The following SLC41A2 variants were observed in gnomAD, a reference collection of about 807,000 sequenced individuals.
The protein encoded by SLC41A2 is SLC41A1-like 1.
SLC41A2 carries 32 observed loss-of-function variants against 58.3 expected under a neutral mutation model. The ratio of observed to expected loss-of-function variants is 0.55; its 90% CI spans 0.41 to 0.74. The LOEUF (loss-of-function observed/expected upper bound fraction) is 0.74. Among genes scored for constraint, SLC41A2 ranks in the 30% least tolerant of loss-of-function variants. The pLI is 0.00. For synonymous variants in SLC41A2, 190 were observed against 235.0 expected, an observed-to-expected ratio of 0.81 and a Z score of 1.75; for missense variants, 514 against 680.6, an observed-to-expected ratio of 0.76 and a Z score of 2.72.
chr12:104,807,892 T>C (rs1258402592), intron 10 of SLC41A2, among the ~76,000 whole-genome samples: 2 of 152,218 alleles, frequency 1.3e-5, no homozygotes, highest in Non-Finnish European at 2.9e-5. Context: ...ATAAGAATGC[T>C]TGTGATTTTT....
At chr12:104,812,621 G>C (rs2041223494) in intron 10 of SLC41A2, among the ~76,000 whole-genome samples, 1 of 151,998 alleles carries the variant, frequency 6.6e-6, no homozygotes, top group South Asian at 2.1e-4. Flanking sequence ...GCAAAATGAG[G>C]GCTTGAACCG....
chr12:104,889,332 T>C (rs576965163), intron 4 of SLC41A2, among the ~76,000 whole-genome samples, 155 bp from the exon 5 acceptor site: 1 of 152,332 alleles, frequency 6.6e-6, no homozygotes, highest in East Asian at 1.9e-4. Context: ...TATTTTGGTT[T>C]TAATATTCCC....
Position 104,923,082 on chromosome 12 carries a change from G to A in SLC41A2, c.555+4891C>T, listed in dbSNP as rs191154659. Among the ~76,000 whole-genome samples, 5 of 151,534 alleles carry A rather than the reference G, an allele frequency of 3.3e-5. No individual in the cohort carries two copies. The South Asian group carries it at 6.2e-4, about 19-fold the overall frequency. On this transcript the variant is annotated intron_variant, in intron 2 of 10. Coordinates refer to ENST00000258538, the MANE Select transcript of SLC41A2 (RefSeq NM_001352171.3). ...ATAAATACTATGTCAAAAAATAGAG[G>A]CCGGGCGCGGTGGCTCATGCCTGTA...
intron 8 of SLC41A2, among the ~76,000 whole-genome samples, chr12:104,858,158 C>T (rs574000131): frequency 2.2e-4 from 33 of 152,020 alleles, no homozygotes; most frequent in Admixed American, 3.9e-4. Flanking sequence ...ACTAGTGTTA[C>T]CATGAAATAT....
intron 10 of SLC41A2, among the ~76,000 whole-genome samples, chr12:104,829,205 T>C (rs1398851066): frequency 6.6e-6 from 1 of 152,240 alleles, no homozygotes; most frequent in Non-Finnish European, 1.5e-5. Flanking sequence ...TGCATATTCA[T>C]AGCAGCTTCA....
chr12:104,935,071 C>T (rs1338782077), intron 1 of SLC41A2, among the ~76,000 whole-genome samples: 1 of 152,190 alleles, frequency 6.6e-6, no homozygotes, highest in South Asian at 2.1e-4. Flanking sequence ...AATTCTCCTG[C>T]CTCAGCTTCC....
chr12:104,827,494 T>A (rs1198729053), intron 10 of SLC41A2, among the ~76,000 whole-genome samples: 1 of 152,244 alleles, frequency 6.6e-6, no homozygotes, highest in Non-Finnish European at 1.5e-5. Flanking sequence ...CGCTCCCATA[T>A]AAGGTTTAAT....
chr12:104,873,802 A>G (rs2043904929), intron 6 of SLC41A2, among the ~76,000 whole-genome samples: 1 of 152,026 alleles, frequency 6.6e-6, no homozygotes, highest in Non-Finnish European at 1.5e-5. Context: ...CTTTTCATAT[A>G]CTTGTTCGTC....
At chr12:104,922,412 A>T (rs191686632) in intron 2 of SLC41A2, among the ~76,000 whole-genome samples, 1 of 152,292 alleles carries the variant, frequency 6.6e-6, no homozygotes, top group East Asian at 1.9e-4. Flanking sequence ...AAAGACAGTA[A>T]AAGAGAAAAA....
chr12:104,814,661 C>T (rs2041316718), intron 10 of SLC41A2, among the ~76,000 whole-genome samples: 1 of 151,978 alleles, frequency 6.6e-6, no homozygotes, highest in South Asian at 2.1e-4. Flanking sequence ...TTATCATTAC[C>T]TACCTGATGG....
At chr12:104,866,377 GACGTAC>G (rs1241262777) in intron 7 of SLC41A2, 49 bp downstream of exon 7, 11 of 1,419,784 alleles carry the variant, frequency 7.7e-6, no homozygotes, top group African/African-American at 1.9e-5. Context: ...AAGACAGACA[GACGTAC>G]ACACACACAC....
intron 3 of SLC41A2, among the ~76,000 whole-genome samples, chr12:104,907,973 A>C (rs1222655883): frequency 6.6e-6 from 1 of 152,164 alleles, no homozygotes; most frequent in Non-Finnish European, 1.5e-5. Context: ...TCCCTTAATT[A>C]AGCAAACCAG....
At chr12:104,924,608 G>C (rs936816608) in intron 2 of SLC41A2, among the ~76,000 whole-genome samples, 1 of 152,166 alleles carries the variant, frequency 6.6e-6, no homozygotes, top group Non-Finnish European at 1.5e-5. Context: ...GCCAGGTGTG[G>C]TGGCACATGC....
chr12:104,885,800 G>A (rs1429329333), intron 6 of SLC41A2, among the ~76,000 whole-genome samples: 2 of 151,014 alleles, frequency 1.3e-5, no homozygotes, highest in African/African-American at 2.4e-5. Context: ...TTTCCCTTTT[G>A]TTAACTGCCA....
intron 2 of SLC41A2, among the ~76,000 whole-genome samples, chr12:104,927,168 G>A (rs73383439): frequency 0.032 from 4,862 of 152,078 alleles, 148 homozygotes; most frequent in East Asian, 0.15. Flanking sequence ...TTTGGAATGC[G>A]ACTTGACAGT....
intron 1 of SLC41A2, among the ~76,000 whole-genome samples, chr12:104,936,196 T>C (rs1236498354): frequency 2.0e-5 from 3 of 152,222 alleles, no homozygotes; most frequent in Non-Finnish European, 4.4e-5. Flanking sequence ...TACATATATG[T>C]AGTACATAAT....
At chr12:104,931,298 A>G (rs1173013705) in intron 1 of SLC41A2, among the ~76,000 whole-genome samples, 1 of 152,244 alleles carries the variant, frequency 6.6e-6, no homozygotes. Context: ...TATCTCCATT[A>G]CCTATGGTAA....
rs55670022 is a variant in SLC41A2 at position 104,878,299 on chromosome 12, T to TTATATA, written c.1027+7988_1027+7993dup. On this transcript the variant is annotated intron_variant, in intron 6 of 10. Transcript: ENST00000258538. ...AATCTGCAAATAATATACCTGTATT[T>TTATATA]TATATATATATATATATATATATAT... Among the ~76,000 whole-genome samples the TTATATA allele has an allele frequency of 6.9e-3, 961 of 139,868 alleles. 23 individuals carry two copies. The highest frequency in any genetic ancestry group is 0.01 in the East Asian group (45 of 4,372). 91.8% of individuals were successfully genotyped at this position (139,868 alleles called of 152,430 possible). A position where few individuals can be genotyped will look rare whatever the true frequency, so the allele number is the denominator to read the frequency against.
At chr12:104,923,487 A>G (rs2046699606) in intron 2 of SLC41A2, among the ~76,000 whole-genome samples, 1 of 152,056 alleles carries the variant, frequency 6.6e-6, no homozygotes, top group Non-Finnish European at 1.5e-5. Context: ...TAAAGATCAG[A>G]GCAGAAATAA....
Sources: allele counts gnomAD v4.1 joint callset (sites outside exome capture counted in the v4.1 genomes callset), GRCh38; gene constraint gnomAD v4.1.1; transcripts MANE v1.5; gene names NCBI Gene and HGNC (gene_info 2026-07-23, HGNC 2026-07-21).